Variants in NCAM1 observed in about 807,000 individuals in gnomAD.
NCAM1 encodes the protein neural cell adhesion molecule 1, also known as antigen recognized by monoclonal antibody 5.1H11.
A neutral mutation model predicts 109.8 loss-of-function variants in NCAM1; 14 were observed. That is an observed-to-expected ratio of 0.13 (90% CI 0.08 to 0.20). The LOEUF is 0.20. Among genes scored for constraint, NCAM1 ranks in the 10% least tolerant of loss-of-function variants. The probability of loss-of-function intolerance (pLI) is 1.00; values close to 1 mark genes in which losing one functional copy is unlikely to be tolerated. For missense variants in NCAM1, 774 were observed against 1,109.9 expected (o/e 0.70, Z 4.30); for synonymous variants, 418 against 442.9 (o/e 0.94, Z 0.70).
rs148978888 is a variant in NCAM1, at chr11:112,970,531, G to A, written c.52+8867G>A. ...AAAGGACACCATTGGGCTTAGATTC[G>A]AAAGATCTGGGTTCAAGAAGTTGCT... On this transcript the variant is annotated intron_variant, in intron 1 of 19. Transcript: ENST00000316851. Among the ~76,000 whole-genome samples the A allele has an allele frequency of 9.2e-4, 140 of 152,206 alleles. 1 individual carries two copies. The East Asian group carries it at 0.014, about 15-fold the overall frequency.
At chr11:112,994,482 G>A (rs1951540305) in intron 1 of NCAM1, among the ~76,000 whole-genome samples, 1 of 152,166 alleles carries the variant, frequency 6.6e-6, no homozygotes, top group Non-Finnish European at 1.5e-5. Context: ...TCTTGTTTAT[G>A]TGGTGGCTCT....
chr11:113,248,773 G>A (rs12280585), intron 15 of NCAM1, among the ~76,000 whole-genome samples: 4,609 of 152,316 alleles, frequency 0.03, 217 homozygotes, highest in African/African-American at 0.1. Context: ...GAGAAGGGAG[G>A]TTATAACAGG....
chr11:112,990,224 G>A (rs56092825), intron 1 of NCAM1, among the ~76,000 whole-genome samples: 22,254 of 152,184 alleles, frequency 0.15, 1,689 homozygotes, highest in African/African-American at 0.18. Context: ...AGACAGTTGT[G>A]TTTTTCTCTG....
At chr11:112,996,029 C>G (rs1161062019) in intron 1 of NCAM1, among the ~76,000 whole-genome samples, 1 of 152,116 alleles carries the variant, frequency 6.6e-6, no homozygotes, top group East Asian at 1.9e-4. Flanking sequence ...CTGTCCTCCT[C>G]CCCTTTGTCC....
rs1555063003 is a variant in NCAM1 at position 112,961,624 on chromosome 11, T to C, written c.12T>C (p.Thr4=). Residue 4 remains threonine, a synonymous_variant, in exon 1 of 20, where the codon ACT becomes ACC. Transcript: ENST00000316851. ...GCCAGCAGATTACAATGCTGCAAAC[T>C]AAGGATCTCATCTGGACTTTGTTTT... MLQ[T]KDLIWTLFFL... is the part of the protein sequence containing the mutation. 6.7e-7 allele frequency: 1 copy of C among 1,493,996 alleles called. No individual in the cohort carries two copies. Among genetic ancestry groups the C allele is most frequent in the Non-Finnish European group, 9.3e-7 (1 of 1,075,114 alleles). The allele number at this position is 1,493,996 out of a possible 1,614,324, so 92.5% of individuals were successfully genotyped here.
chr11:113,214,645 C>A, intron 8 of NCAM1, 134 bp downstream of exon 8: 1 of 958,248 alleles, frequency 1.0e-6, no homozygotes, highest in Non-Finnish European at 1.5e-6. Context: ...GATCCCGGGG[C>A]CTCCCTCCCC....
chr11:113,191,736 C>T (rs1214208756), intron 1 of NCAM1, among the ~76,000 whole-genome samples: 2 of 149,336 alleles, frequency 1.3e-5, no homozygotes, highest in Non-Finnish European at 3.0e-5. Flanking sequence ...CATAGATATA[C>T]ACACATGTAT....
intron 1 of NCAM1, among the ~76,000 whole-genome samples, chr11:113,023,880 T>G (rs1952464338): frequency 6.6e-6 from 1 of 151,592 alleles, no homozygotes; most frequent in African/African-American, 2.4e-5. Flanking sequence ...AATGAATGTT[T>G]AATGCATGGG....
chr11:113,166,832 C>T (rs1244453583), intron 1 of NCAM1, among the ~76,000 whole-genome samples: 1 of 152,166 alleles, frequency 6.6e-6, no homozygotes, highest in Non-Finnish European at 1.5e-5. Context: ...CATATCTCTA[C>T]ATAGCCAAGA....
At chr11:113,058,918 C>T (rs904144243) in intron 1 of NCAM1, among the ~76,000 whole-genome samples, 2 of 152,216 alleles carry the variant, frequency 1.3e-5, no homozygotes, top group African/African-American at 2.4e-5. Flanking sequence ...GGAAACATAA[C>T]TATGATGAAC....
intron 1 of NCAM1, among the ~76,000 whole-genome samples, chr11:113,171,809 G>A (rs1380222304): frequency 6.6e-6 from 1 of 152,166 alleles, no homozygotes; most frequent in Non-Finnish European, 1.5e-5. Context: ...CTATGTTGAA[G>A]TCCTAATCCC....
intron 7 of NCAM1, among the ~76,000 whole-genome samples, chr11:113,209,472 T>C (rs1242383951): frequency 3.3e-5 from 5 of 152,226 alleles, no homozygotes; most frequent in Non-Finnish European, 7.3e-5. Context: ...AGTAAGTTTT[T>C]CCATATTGTA....
chr11:113,048,405 C>T (rs781825877), intron 1 of NCAM1, among the ~76,000 whole-genome samples: 2 of 152,202 alleles, frequency 1.3e-5, no homozygotes, highest in Non-Finnish European at 2.9e-5. Flanking sequence ...CTCTAGTCCA[C>T]CGTAGAATTC....
chr11:113,268,664 G>C (rs1946194883), intron 17 of NCAM1, among the ~76,000 whole-genome samples: 1 of 152,178 alleles, frequency 6.6e-6, no homozygotes, highest in Admixed American at 6.5e-5. Context: ...GGGGCACACA[G>C]AGCCATCAAT....
At chr11:113,129,979 A>G (rs1405019007) in intron 1 of NCAM1, among the ~76,000 whole-genome samples, 2 of 152,158 alleles carry the variant, frequency 1.3e-5, no homozygotes, top group African/African-American at 2.4e-5. Flanking sequence ...ACGTTTTTTA[A>G]CAGCACTAAC....
At chr11:113,112,966 T>C (rs782821064) in intron 1 of NCAM1, among the ~76,000 whole-genome samples, 3 of 152,026 alleles carry the variant, frequency 2.0e-5, no homozygotes, top group Non-Finnish European at 4.4e-5. Context: ...ACCCCGTCTC[T>C]ACTAAAAATA....
At chr11:113,081,712 G>T (rs117676743) in intron 1 of NCAM1, among the ~76,000 whole-genome samples, 8,013 of 151,932 alleles carry the variant, frequency 0.053, 590 homozygotes, top group Admixed American at 0.17. Flanking sequence ...ATTTATATTT[G>T]TAGTAGAGAC....
intron 11 of NCAM1, 47 bp downstream of exon 11, chr11:113,232,401 C>A: frequency 6.5e-7 from 1 of 1,533,954 alleles, no homozygotes; most frequent in South Asian, 1.3e-5. Flanking sequence ...CACAGTTTGA[C>A]TCTAGGTGGG....
chr11:112,994,483 T>C (rs1951540357), intron 1 of NCAM1, among the ~76,000 whole-genome samples: 1 of 152,198 alleles, frequency 6.6e-6, no homozygotes, highest in Non-Finnish European at 1.5e-5. Context: ...CTTGTTTATG[T>C]GGTGGCTCTT....
Sources: gnomAD v4.1 joint callset for allele counts (sites outside exome capture counted in the v4.1 genomes callset) on GRCh38, gnomAD v4.1.1 for gene constraint, MANE v1.5 for transcripts, NCBI Gene and HGNC (gene_info 2026-07-23, HGNC 2026-07-21) for gene names.